The following ALG12 variants were observed in gnomAD, a reference collection of about 807,000 sequenced individuals.
ALG12 encodes the protein dol-P-Man:Man(7)GlcNAc(2)-PP-Dol alpha-1,6-mannosyltransferase.
Under a neutral mutation model 46.0 loss-of-function variants are expected in ALG12, and 36 were observed. The observed-to-expected ratio is 0.78, with a 90% CI of 0.60 to 1.03. ALG12 has a LOEUF of 1.03. Ranked by LOEUF, ALG12 falls within the 50% of genes least tolerant of loss-of-function variation. The pLI, the probability that ALG12 is intolerant of heterozygous loss-of-function variation, is 0.00. For missense variants in ALG12, 599 were observed against 633.5 expected, an observed-to-expected ratio of 0.95 and a Z score of 0.58; for synonymous variants, 326 against 291.6, an observed-to-expected ratio of 1.12 and a Z score of -1.20.
At chr22:49,883,024 GA>G in the ALG12 span, among the ~76,000 whole-genome samples, 1 of 152,212 alleles carries the variant, frequency 6.6e-6, no homozygotes, top group Admixed American at 6.5e-5. Flanking sequence ...TGAACTGTTT[GA>G]AGGATGAGGG....
At chr22:49,883,543 C>T in the ALG12 span, 1 of 1,337,540 alleles carries the variant, frequency 7.5e-7, no homozygotes, top group Non-Finnish European at 9.9e-7. Context: ...TTTCTAGAAA[C>T]ATCCTGAAAG....
intron 3 of ALG12, 85 bp downstream of exon 3, chr22:49,913,300 G>C: frequency 2.5e-6 from 4 of 1,588,002 alleles, no homozygotes; most frequent in Non-Finnish European, 3.4e-6. Context: ...AGCGTTCCTG[G>C]GCAGGAGGGA....
chr22:49,886,422 G>T, the ALG12 span: 1 of 1,594,014 alleles, frequency 6.3e-7, no homozygotes, highest in Admixed American at 1.7e-5. The surrounding 1 kb of genome is among the most constrained non-coding windows in gnomAD (Gnocchi z 7.7). Context: ...ACTTCCGAGA[G>T]CTGATCAGCT....
chr22:49,870,693 C>T, the ALG12 span, among the ~76,000 whole-genome samples: 1 of 151,930 alleles, frequency 6.6e-6, no homozygotes, highest in Non-Finnish European at 1.5e-5. Context: ...TGTTAAGCTT[C>T]TTATAGATTC....
At chr22:49,883,596 G>A in the ALG12 span, 3 of 1,456,188 alleles carry the variant, frequency 2.1e-6, no homozygotes, top group East Asian at 4.6e-5. Flanking sequence ...ACATTCGGGG[G>A]CACAAATGAG....
chr22:49,900,164 T>TA (rs1006214661), downstream of ALG12: 2 of 152,192 alleles, frequency 1.3e-5, no homozygotes, highest in Non-Finnish European at 2.9e-5. Context: ...ACCCTGTCTC[T>TA]AAAACAAAAC....
rs1352559064 is a variant in ALG12 at position 49,903,482 on chromosome 22, C to T, written c.*356G>A. 4 of 489,434 alleles carry T rather than the reference C, an allele frequency of 8.2e-6. No homozygotes were observed. Among genetic ancestry groups the T allele is most frequent in the Admixed American group, 6.9e-5 (3 of 43,432 alleles). 30.3% of individuals were successfully genotyped at this position (489,434 alleles called of 1,614,324 possible). ...CAGCTCCCCCTGGGTGGGCAGGACACACGTGGCCTCCTGGCAGACAGGTGC... is the reference window on the plus strand; with the variant it reads ...CAGCTCCCCCTGGGTGGGCAGGACATACGTGGCCTCCTGGCAGACAGGTGC... On this transcript the variant is annotated 3_prime_UTR_variant, in exon 10 of 10. Transcript: ENST00000330817.
rs2060503106 is a variant in ALG12, at chr22:49,901,209, A to T, written c.*2629T>A. 6.6e-6 allele frequency: 1 copy of T among 152,286 alleles called. No homozygotes were observed. Among genetic ancestry groups the T allele is most frequent in the Admixed American group, 6.5e-5 (1 of 15,286 alleles). 9.4% of individuals were successfully genotyped at this position (152,286 alleles called of 1,614,324 possible). A position where few individuals can be genotyped will look rare whatever the true frequency, so the allele number is the denominator to read the frequency against. Reference sequence around the variant, plus strand: ...AGCGTGGATAACCAGTGAATACCTGAGACACACAGGTGGATGGATGGGGGA... The same window carrying T: ...AGCGTGGATAACCAGTGAATACCTGTGACACACAGGTGGATGGATGGGGGA... On this transcript the variant is annotated 3_prime_UTR_variant, in exon 10 of 10. Coordinates refer to ENST00000330817, the MANE Select transcript of ALG12 (RefSeq NM_024105.4).
chr22:49,912,021 A>G (rs373658298), intron 3 of ALG12, among the ~76,000 whole-genome samples: 17 of 125,880 alleles, frequency 1.4e-4, no homozygotes, highest in African/African-American at 4.3e-4. Context: ...AGCCTCGGCC[A>G]CGGGATCACC....
chr22:49,884,936 C>T, the ALG12 span: 6,911 of 1,607,336 alleles, frequency 4.3e-3, 47 homozygotes, highest in Middle Eastern at 0.023. Context: ...GAGGCCTCGG[C>T]GTCCTCTCCT....
chr22:49,863,542 G>T, the ALG12 span, among the ~76,000 whole-genome samples: 1 of 151,926 alleles, frequency 6.6e-6, no homozygotes, highest in Admixed American at 6.6e-5. Context: ...CAGGAGAATT[G>T]CTTGAACCGG....
At chr22:49,871,760 T>TA in the ALG12 span, among the ~76,000 whole-genome samples, 14,425 of 128,640 alleles carry the variant, frequency 0.11, 1,048 homozygotes, top group South Asian at 0.28. Context: ...TTTATTTATT[T>TA]TTTTTTTTTT....
chr22:49,902,462 G>GA lies in ALG12; in HGVS notation c.*1375_*1376insT, dbSNP rs2060516922. 6.8e-6 allele frequency: 1 copy of GA among 147,102 alleles called. No homozygotes were observed. Among genetic ancestry groups the GA allele is most frequent in the Non-Finnish European group, 1.5e-5 (1 of 66,956 alleles). 9.1% of individuals were successfully genotyped at this position (147,102 alleles called of 1,614,324 possible). ...CACGTGTGCACTGTGTATGCATGGT[G>GA]TGTGCACGTGTGCACTGTGTGGTGT... On this transcript the variant is annotated 3_prime_UTR_variant, in exon 10 of 10. Transcript: ENST00000330817.
Position 49,901,776 on chromosome 22 carries a change from CGT to C in ALG12, c.*2060_*2061del. The C allele has an allele frequency of 7.1e-6, 1 of 140,050 alleles. No homozygotes were observed. The highest frequency in any genetic ancestry group is 1.5e-5 in the Non-Finnish European group (1 of 66,174). 8.7% of individuals were successfully genotyped at this position (140,050 alleles called of 1,614,324 possible). A position where few individuals can be genotyped will look rare whatever the true frequency, so the allele number is the denominator to read the frequency against. On this transcript the variant is annotated 3_prime_UTR_variant, in exon 10 of 10. Transcript: ENST00000330817. ...CGTGGTGTATGCATGGTAATGTGCA[CGT>C]GTGCACTGTGTGTGGTATGTATGCA...
chr22:49,916,072 A>C (rs1024139033), intron 1 of ALG12, among the ~76,000 whole-genome samples: 1 of 144,232 alleles, frequency 6.9e-6, no homozygotes, highest in African/African-American at 2.6e-5. Context: ...AGCTTGGCCA[A>C]CATGGTAAAA....
the ALG12 span, chr22:49,883,466 AG>A: frequency 1.5e-6 from 1 of 661,704 alleles, no homozygotes; most frequent in South Asian, 3.3e-5. Context: ...CTTGGAAAGC[AG>A]TGATCTATGC....
chr22:49,874,538 A>T, the ALG12 span, among the ~76,000 whole-genome samples: 1 of 151,072 alleles, frequency 6.6e-6, no homozygotes, highest in African/African-American at 2.4e-5. Flanking sequence ...GGGGCCCACC[A>T]CCATTTTTGT....
the ALG12 span, chr22:49,886,744 G>A: frequency 1.2e-6 from 2 of 1,612,958 alleles, no homozygotes; most frequent in Non-Finnish European, 1.7e-6. This position sits in a 1 kb window ranked among gnomAD's most constrained non-coding sequence, Gnocchi z 7.7. Flanking sequence ...GTACAAACAG[G>A]ATTTAATCAG....
chr22:49,886,420 G>C, the ALG12 span: 11 of 1,597,562 alleles, frequency 6.9e-6, no homozygotes, highest in Non-Finnish European at 9.4e-6. This position sits in a 1 kb window ranked among gnomAD's most constrained non-coding sequence, Gnocchi z 7.7. Flanking sequence ...TAACTTCCGA[G>C]AGCTGATCAG....
Sources: allele counts gnomAD v4.1 joint callset (sites outside exome capture counted in the v4.1 genomes callset), GRCh38; gene constraint gnomAD v4.1.1; non-coding constraint Gnocchi (gnomAD v3.1); transcripts MANE v1.5; gene names NCBI Gene and HGNC (gene_info 2026-07-23, HGNC 2026-07-21).